Variants in LINGO1 observed in about 807,000 individuals in gnomAD.
The protein encoded by LINGO1 is leucine rich repeat and Ig domain containing 1.
LINGO1 carries 11 observed loss-of-function variants against 37.3 expected under a neutral mutation model. The ratio of observed to expected loss-of-function variants is 0.29; its 90% CI spans 0.19 to 0.49. LINGO1 has a LOEUF of 0.49. Ranked by LOEUF, LINGO1 falls within the 20% of genes least tolerant of loss-of-function variation. The pLI, the probability that LINGO1 is intolerant of heterozygous loss-of-function variation, is 0.99. For missense variants in LINGO1, 585 were observed against 878.2 expected (o/e 0.67, Z 4.22); for synonymous variants, 387 against 403.0 (o/e 0.96, Z 0.48).
chr15:77,618,829 TCGTG>T (rs2073827165), intron 1 of LINGO1, among the ~76,000 whole-genome samples: 6 of 28 alleles, frequency 0.21, 3 homozygotes, highest in Non-Finnish European at 0.5. Context: ...TCTCCTGACC[TCGTG>T]ATCCGCCCGC....
In LINGO1 at chr15:77,614,797, C is replaced by T. The variant is rs61737308; in HGVS notation, c.1110G>A (p.Pro370=). 20,154 of 1,610,034 alleles carry T rather than the reference C, an allele frequency of 0.013. 168 individuals are homozygous for T. The highest frequency in any genetic ancestry group is 0.015 in the Non-Finnish European group (17,739 of 1,178,162). The change falls in exon 2 of 2, where the codon CCG becomes CCA. Residue 370 remains proline, a synonymous_variant. Transcript: ENST00000355300. ...ACAGGAGCCGACAGTCGCAGGCCAG[C>T]GGGTTGGAGTCCAGGATGAGTGTCT... ...NLETLILDSN[P]LACDCRLLWV... is the part of the protein sequence containing the mutation.
chr15:77,669,159 G>A (rs2075201815), intron 3 of LINGO1, among the ~76,000 whole-genome samples: 1 of 152,258 alleles, frequency 6.6e-6, no homozygotes, highest in Non-Finnish European at 1.5e-5. Flanking sequence ...TGCCTCTGCT[G>A]CAGGCCTGGC....
intron 2 of LINGO1, among the ~76,000 whole-genome samples, chr15:77,685,338 T>C (rs2075488906): frequency 6.6e-6 from 1 of 152,124 alleles, no homozygotes; most frequent in Non-Finnish European, 1.5e-5. Flanking sequence ...TTTCAGGACC[T>C]TGGCTCCCTC....
At chr15:77,817,643 C>T in intron 1 of LINGO1, among the ~76,000 whole-genome samples, 1 of 152,174 alleles carries the variant, frequency 6.6e-6, no homozygotes, top group Non-Finnish European at 1.5e-5. Flanking sequence ...CTGCCTCCAG[C>T]TGAGAACAGC....
chr15:77,766,141 T>C (rs1331717113), intron 1 of LINGO1, among the ~76,000 whole-genome samples: 2 of 151,794 alleles, frequency 1.3e-5, no homozygotes, highest in East Asian at 1.9e-4. Context: ...AAAAAACAAG[T>C]GGCTGGGTCA....
intron 1 of LINGO1, among the ~76,000 whole-genome samples, chr15:77,776,526 A>AAGGCAGGAAAGCAGGAAGGG (rs1344764444): frequency 2.8e-5 from 1 of 35,752 alleles, no homozygotes; most frequent in Non-Finnish European, 6.1e-5. Context: ...GGAAGGGAGG[A>AAGGCAGGAAAGCAGGAAGGG]AGGGAGGGAG....
intron 1 of LINGO1, among the ~76,000 whole-genome samples, chr15:77,785,412 C>T (rs2076761758): frequency 6.6e-6 from 1 of 152,214 alleles, no homozygotes; most frequent in South Asian, 2.1e-4. Context: ...CCAACTGAGG[C>T]CCTGGAGCGT....
chr15:77,657,241 C>T (rs747528693), intron 3 of LINGO1, among the ~76,000 whole-genome samples: 1 of 152,086 alleles, frequency 6.6e-6, no homozygotes, highest in South Asian at 2.1e-4. Context: ...CCTGGCTCCT[C>T]CTCCCTCCCC....
chr15:77,689,422 C>A (rs966502609), intron 2 of LINGO1, among the ~76,000 whole-genome samples: 1 of 152,186 alleles, frequency 6.6e-6, no homozygotes, highest in East Asian at 1.9e-4. Flanking sequence ...ATGGCCGGTG[C>A]GCTACCCTGT....
At chr15:77,691,840 G>A (rs2075609543) in intron 1 of LINGO1, among the ~76,000 whole-genome samples, 3 of 152,120 alleles carry the variant, frequency 2.0e-5, no homozygotes, top group Admixed American at 2.0e-4. Context: ...TAACGAGGTA[G>A]AAAACTGAGA....
intron 3 of LINGO1, among the ~76,000 whole-genome samples, chr15:77,641,449 G>A (rs933631203): frequency 3.3e-5 from 5 of 152,324 alleles, no homozygotes; most frequent in South Asian, 2.1e-4. Flanking sequence ...ACCCCGGCCC[G>A]TCTGGCTGGG....
intron 1 of LINGO1, chr15:77,820,220 C>G (rs1286277649): frequency 6.6e-6 from 1 of 152,200 alleles, no homozygotes; most frequent in African/African-American, 2.4e-5. Context: ...CTGCCGCTGA[C>G]AGCTCTCATC....
At chr15:77,782,107 G>A (rs1281062965) in intron 1 of LINGO1, among the ~76,000 whole-genome samples, 1 of 152,188 alleles carries the variant, frequency 6.6e-6, no homozygotes, top group Non-Finnish European at 1.5e-5. Flanking sequence ...ATGTTCCCGT[G>A]CTCTATTATA....
At chr15:77,765,122 C>T (rs1384343661) in intron 1 of LINGO1, among the ~76,000 whole-genome samples, 2 of 152,146 alleles carry the variant, frequency 1.3e-5, no homozygotes, top group African/African-American at 2.4e-5. Context: ...TCTGGCAGAA[C>T]TGGGAAAGCA....
intron 2 of LINGO1, among the ~76,000 whole-genome samples, chr15:77,712,021 C>T (rs1401200315): frequency 6.6e-6 from 1 of 152,180 alleles, no homozygotes; most frequent in African/African-American, 2.4e-5. Context: ...CCTGTGGGAC[C>T]TAAGAGGTGG....
chr15:77,808,093 C>T (rs1046276760), intron 1 of LINGO1, among the ~76,000 whole-genome samples: 12 of 152,034 alleles, frequency 7.9e-5, no homozygotes, highest in African/African-American at 2.9e-4. Context: ...CCCCTGCTCG[C>T]TCACCCCTTC....
chr15:77,781,883 T>A (rs539872215), intron 1 of LINGO1, among the ~76,000 whole-genome samples: 1 of 152,334 alleles, frequency 6.6e-6, no homozygotes, highest in South Asian at 2.1e-4. Context: ...CCTCCCAGGT[T>A]CCTCCCATCT....
intron 1 of LINGO1, among the ~76,000 whole-genome samples, chr15:77,631,952 C>T (rs913593905): frequency 3.3e-5 from 5 of 152,018 alleles, no homozygotes; most frequent in African/African-American, 9.7e-5. Context: ...AGGGAGGTAC[C>T]CACCCAGGGC....
intron 1 of LINGO1, among the ~76,000 whole-genome samples, chr15:77,755,291 A>G (rs1013487239): frequency 1.3e-5 from 2 of 152,240 alleles, no homozygotes; most frequent in Admixed American, 1.3e-4. Context: ...CCAGGCACAG[A>G]GTCTTACTCA....
Sources: gnomAD v4.1 joint callset for allele counts (sites outside exome capture counted in the v4.1 genomes callset) on GRCh38, gnomAD v4.1.1 for gene constraint, MANE v1.5 for transcripts, NCBI Gene and HGNC (gene_info 2026-07-23, HGNC 2026-07-21) for gene names.